The following NDUFS3 variants were observed in gnomAD, a reference collection of about 807,000 sequenced individuals.
NDUFS3 encodes NADH:ubiquinone oxidoreductase core subunit S3.
NDUFS3 carries 19 observed loss-of-function variants against 30.8 expected under a neutral mutation model. The observed-to-expected ratio is 0.62, with a 90% CI of 0.43 to 0.91. The LOEUF (loss-of-function observed/expected upper bound fraction) is 0.91. Among genes scored for constraint, NDUFS3 ranks in the 40% least tolerant of loss-of-function variants. The pLI, the probability that NDUFS3 is intolerant of heterozygous loss-of-function variation, is 0.00. For missense variants in NDUFS3, 331 were observed against 342.0 expected (o/e 0.97, Z 0.25); for synonymous variants, 153 against 135.8 (o/e 1.13, Z -0.88).
At chr11:47,581,880 A>G in intron 4 of NDUFS3, 2 of 649,880 alleles carry the variant, frequency 3.1e-6, no homozygotes, top group Non-Finnish European at 5.5e-6. Context: ...TGGACCAGGG[A>G]AATATTCCTG....
chr11:47,580,783 C>G (rs763172936), intron 3 of NDUFS3, 52 bp from the exon 4 acceptor site: 5 of 1,612,728 alleles, frequency 3.1e-6, no homozygotes, highest in African/African-American at 1.3e-5. Context: ...CTGAAGTTAG[C>G]TGTTCCCTCA....
chr11:47,580,453 G>A lies in NDUFS3; in HGVS notation c.134-72G>A, dbSNP rs181455880. ...TTCCTGGATTTGACATCCCTTACAAGCCTAAGAGACTGCATGCAGGGCTGG... is the reference window on the plus strand; with the variant it reads ...TTCCTGGATTTGACATCCCTTACAAACCTAAGAGACTGCATGCAGGGCTGG... On this transcript the variant is annotated intron_variant, in intron 2 of 6. Coordinates refer to ENST00000263774, the MANE Select transcript of NDUFS3 (RefSeq NM_004551.3). The A allele has an allele frequency of 6.4e-6, 9 of 1,406,924 alleles. No individual in the cohort carries two copies. In the Admixed American group the frequency reaches 1.2e-4, roughly 18 times the overall value. 87.2% of individuals were successfully genotyped at this position (1,406,924 alleles called of 1,614,324 possible). A position where few individuals can be genotyped will look rare whatever the true frequency, so the allele number is the denominator to read the frequency against.
At chr11:47,579,426 C>A in intron 2 of NDUFS3, 92 bp downstream of exon 2, 2 of 1,513,230 alleles carry the variant, frequency 1.3e-6, no homozygotes, top group Non-Finnish European at 1.8e-6. Context: ...CCTACGTCCT[C>A]CTGGCAAATC....
intron 6 of NDUFS3, 107 bp downstream of exon 6, chr11:47,582,575 A>G: frequency 6.4e-7 from 1 of 1,558,882 alleles, no homozygotes; most frequent in Non-Finnish European, 8.8e-7. Flanking sequence ...TGGTGGTTTA[A>G]GAGCATGGGC....
At chr11:47,584,213 A>G in intron 6 of NDUFS3, 101 bp from the exon 7 acceptor site, 1 of 1,491,964 alleles carries the variant, frequency 6.7e-7, no homozygotes, top group Non-Finnish European at 9.3e-7. Flanking sequence ...AACCGAGAGG[A>G]ATGGGCTGGG....
At position 47,579,347 on chromosome 11, in the gene NDUFS3, G is replaced by C. The variant is rs753762118; in HGVS notation, c.133+13G>C. 1 of 1,613,354 alleles carries C rather than the reference G, an allele frequency of 6.2e-7. No homozygotes were observed. Among genetic ancestry groups the C allele is most frequent in the Non-Finnish European group, 8.5e-7 (1 of 1,180,024 alleles). ...GCCGACACGCGCCGTGAGTATGTGC[G>C]GGCAGCGCTCTTCTCTGAACTATCG... On this transcript the variant is annotated intron_variant, in intron 2 of 6. Transcript: ENST00000263774.
intron 1 of NDUFS3, 31 bp from the exon 2 acceptor site, chr11:47,579,238 G>A: frequency 6.2e-7 from 1 of 1,614,112 alleles, no homozygotes; most frequent in South Asian, 1.1e-5. Context: ...GGCTCATCCC[G>A]CGCGTCTGTG....
Position 47,580,504 on chromosome 11 carries a change from A to G in NDUFS3, c.134-21A>G, listed in dbSNP as rs1317698688. 3 of 1,612,862 alleles carry G rather than the reference A, an allele frequency of 1.9e-6. No individual in the cohort carries two copies. In the Admixed American group the frequency reaches 5.0e-5, roughly 27 times the overall value. On this transcript the variant is annotated intron_variant, in intron 2 of 6. Coordinates refer to ENST00000263774, the MANE Select transcript of NDUFS3 (RefSeq NM_004551.3). ...CTTTTGCCTTCTCCATTTCTTTTTTAAATATGCCTTTTCCTTCCAGCCACT... is the reference window on the plus strand; with the variant it reads ...CTTTTGCCTTCTCCATTTCTTTTTTGAATATGCCTTTTCCTTCCAGCCACT...
At chr11:47,579,520 T>C in intron 2 of NDUFS3, 186 bp downstream of exon 2, 1 of 682,456 alleles carries the variant, frequency 1.5e-6, no homozygotes, top group Non-Finnish European at 2.5e-6. Context: ...TGGCCCTGAT[T>C]GTTCCTTGTC....
chr11:47,582,194 C>T lies in NDUFS3; in HGVS notation c.488C>T (p.Ala163Val). The T allele has an allele frequency of 6.2e-7, 1 of 1,614,180 alleles. No homozygotes were observed. Among genetic ancestry groups the T allele is most frequent in the Non-Finnish European group, 8.5e-7 (1 of 1,180,028 alleles). The change falls in exon 5 of 7, where the codon GCC (alanine) becomes GTC (valine). Residue 163 changes from alanine to valine, a missense_variant. By Grantham distance (64) the Ala-to-Val change is moderately conservative (BLOSUM62 0). Transcript: ENST00000263774. ...IESAVSVFKA[A>V]NWYEREIWDM... ...TCTGCTGTCTCTGTGTTCAAGGCAG[C>T]CAACTGGTATGAAAGGGAGGTGAGT...
rs188951851 is a variant in NDUFS3 at position 47,581,669 on chromosome 11, C to T, written c.382-419C>T. Reference sequence around the variant, plus strand: ...AGAGAAATAACATGAAGTATTTGTCCTCCAGGAGTCCCCTACACTCTAGTG... The same window carrying T: ...AGAGAAATAACATGAAGTATTTGTCTTCCAGGAGTCCCCTACACTCTAGTG... On this transcript the variant is annotated intron_variant, in intron 4 of 6. Coordinates refer to ENST00000263774, the MANE Select transcript of NDUFS3 (RefSeq NM_004551.3). The T allele has an allele frequency of 6.2e-4, 174 of 280,950 alleles. 2 individuals carry two copies. The highest frequency in any genetic ancestry group is 4.8e-3 in the Admixed American group (100 of 20,668). 17.4% of individuals were successfully genotyped at this position (280,950 alleles called of 1,614,324 possible).
Position 47,579,188 on chromosome 11 carries a change from G to A in NDUFS3, c.67+30G>A, listed in dbSNP as rs370007453. 2.5e-6 allele frequency: 4 copies of A among 1,613,360 alleles called. No individual in the cohort carries two copies. In the African/African-American group the frequency reaches 5.3e-5, roughly 22 times the overall value. On this transcript the variant is annotated intron_variant, in intron 1 of 6. Transcript: ENST00000263774. ...GCACGGGCAGCCAGCTGAGACCGGG[G>A]TCAGGCGCAGCGGCGTGCCCAGTGC...
intron 3 of NDUFS3, 43 bp downstream of exon 3, chr11:47,580,665 C>T (rs774165454): frequency 3.1e-6 from 5 of 1,603,536 alleles, no homozygotes; most frequent in Non-Finnish European, 4.3e-6. Flanking sequence ...CAAGAAAGAA[C>T]CATGTTCGCA....
chr11:47,579,463 C>A, intron 2 of NDUFS3, 129 bp downstream of exon 2: 3 of 1,161,130 alleles, frequency 2.6e-6, no homozygotes, highest in Non-Finnish European at 3.8e-6. Context: ...CAGTGGTCTT[C>A]ACCCTGCATG....
Position 47,584,556 on chromosome 11 carries a change from A to T in NDUFS3, c.*75A>T, listed in dbSNP as rs1173640528. The T allele has an allele frequency of 3.2e-6, 5 of 1,565,068 alleles. No individual in the cohort carries two copies. The highest frequency in any genetic ancestry group is 1.7e-4 in the Middle Eastern group (1 of 6,002). ...TGTCCGTGTAAATAAATTCCTACTTAGACTTACCACTTTGTGTGTGCTTGT... is the reference window on the plus strand; with the variant it reads ...TGTCCGTGTAAATAAATTCCTACTTTGACTTACCACTTTGTGTGTGCTTGT... On this transcript the variant is annotated 3_prime_UTR_variant, in exon 7 of 7. Coordinates refer to ENST00000263774, the MANE Select transcript of NDUFS3 (RefSeq NM_004551.3).
At chr11:47,584,178 G>T in intron 6 of NDUFS3, 136 bp from the exon 7 acceptor site, 1 of 1,159,526 alleles carries the variant, frequency 8.6e-7, no homozygotes, top group Admixed American at 1.7e-5. Context: ...GAGACTTACT[G>T]ACAGAGGCTG....
At position 47,582,212 on chromosome 11, in the gene NDUFS3, AG is replaced by A. The variant is rs2097269113; in HGVS notation, c.507+1del. 1 of 1,614,038 alleles carries A rather than the reference AG, an allele frequency of 6.2e-7. No individual in the cohort carries two copies. The highest frequency in any genetic ancestry group is 8.5e-7 in the Non-Finnish European group (1 of 1,180,046). ...VFKAANWYER[E>X]IWDMFGVFFA... ...AAGGCAGCCAACTGGTATGAAAGGG[AG>A]GTGAGTTACCGGATATGGTGGACCT... On this transcript the variant is annotated frameshift_variant and splice_region_variant, in exon 5 of 7. Coordinates refer to ENST00000263774, the MANE Select transcript of NDUFS3 (RefSeq NM_004551.3). LOFTEE classifies it high-confidence loss of function.
In NDUFS3 at chr11:47,582,123, A is replaced by G; in HGVS notation, c.417A>G (p.Ser139=). The change falls in exon 5 of 7, where the codon TCA becomes TCG. Residue 139 remains serine (S), a synonymous_variant. Coordinates refer to ENST00000263774, the MANE Select transcript of NDUFS3 (RefSeq NM_004551.3). ...ACCTGTTGTCTCTGCGCTTCAACTC[A>G]CGGATCCGTGTGAAGACCTACACAG... ...VYNLLSLRFN[S]RIRVKTYTDE... 6.2e-7 allele frequency: 1 copy of G among 1,613,580 alleles called. No individual in the cohort carries two copies. Among genetic ancestry groups the G allele is most frequent in the Non-Finnish European group, 8.5e-7 (1 of 1,179,824 alleles).
Position 47,579,293 on chromosome 11 carries a change from TG to T in NDUFS3, c.93del (p.Leu31PhefsTer4). 1 of 1,614,190 alleles carries T rather than the reference TG, an allele frequency of 6.2e-7. No homozygotes were observed. The highest frequency in any genetic ancestry group is 8.5e-7 in the Non-Finnish European group (1 of 1,180,030). On this transcript the variant is annotated frameshift_variant, in exon 2 of 7. Coordinates refer to ENST00000263774, the MANE Select transcript of NDUFS3 (RefSeq NM_004551.3). LOFTEE classifies it high-confidence loss of function. ...GGGACTGGGCGACCCTCCGTTCTGT[TG>T]CTGCCGGTGAGGCGGGAGAGCGCCG... is the stretch of plus-strand genomic sequence containing the variant. ...TRGTGRPSVL[L>X]LPVRRESAGA...
Sources: gnomAD v4.1 joint callset for allele counts on GRCh38, gnomAD v4.1.1 for gene constraint, MANE v1.5 for transcripts, NCBI Gene and HGNC (gene_info 2026-07-23, HGNC 2026-07-21) for gene names.